The following GPCPD1 variants were observed in gnomAD, a reference collection of about 807,000 sequenced individuals.
GPCPD1 encodes glycerophosphocholine phosphodiesterase 1.
Under a neutral mutation model 89.2 loss-of-function variants are expected in GPCPD1, and 29 were observed. The observed-to-expected ratio is 0.33, with a 90% confidence interval of 0.24 to 0.44. GPCPD1 has a LOEUF of 0.44. GPCPD1 is among the 20% of genes least tolerant of loss of function. The pLI is 1.00. For missense variants in GPCPD1, 594 were observed against 808.9 expected, an observed-to-expected ratio of 0.73 and a Z score of 3.22; for synonymous variants, 258 against 266.3, an observed-to-expected ratio of 0.97 and a Z score of 0.30.
chr20:5,576,896 T>C (rs1401556764), intron 8 of GPCPD1, among the ~76,000 whole-genome samples: 2 of 151,916 alleles, frequency 1.3e-5, no homozygotes, highest in African/African-American at 2.4e-5. Context: ...GTAGGTTTAT[T>C]AAAAGGAAGC....
At chr20:5,592,050 T>C (rs942821067) in intron 4 of GPCPD1, among the ~76,000 whole-genome samples, 7 of 152,250 alleles carry the variant, frequency 4.6e-5, no homozygotes, top group African/African-American at 1.4e-4. Flanking sequence ...AGAGGATAAA[T>C]ACTTAGGTTG....
rs879199443 is a variant in GPCPD1, at chr20:5,567,354, C to T, written c.1227+129G>A. 52 of 1,148,884 alleles carry T rather than the reference C, an allele frequency of 4.5e-5. 1 individual carries two copies. In the South Asian group the frequency reaches 9.4e-4, roughly 21 times the overall value. 71.2% of individuals were successfully genotyped at this position (1,148,884 alleles called of 1,614,324 possible). The stretch of plus-strand genomic sequence containing the variant: ...CCCTTCTCCCAAACAGAACAGAATA[C>T]CAAAGCACATAGTCTACACATTAAA... On this transcript the variant is annotated intron_variant, in intron 13 of 19. Coordinates refer to ENST00000379019, the MANE Select transcript of GPCPD1 (RefSeq NM_019593.5).
At chr20:5,559,577 C>CA (rs1568645988) in intron 17 of GPCPD1, among the ~76,000 whole-genome samples, 1 of 91,200 alleles carries the variant, frequency 1.1e-5, no homozygotes. Context: ...GATCCTGTCT[C>CA]AAAAACAATT....
intron 5 of GPCPD1, chr20:5,584,526 T>C: frequency 2.8e-6 from 1 of 354,022 alleles, no homozygotes; most frequent in South Asian, 4.7e-5. Flanking sequence ...GGTTCTTACA[T>C]ACTTCGTTGA....
intron 7 of GPCPD1, among the ~76,000 whole-genome samples, chr20:5,579,489 A>G (rs762963001): frequency 3.3e-5 from 5 of 152,176 alleles, no homozygotes; most frequent in African/African-American, 9.6e-5. Flanking sequence ...CTGGGATTAC[A>G]GGCGCCCAAC....
intron 2 of GPCPD1, among the ~76,000 whole-genome samples, chr20:5,599,662 C>T (rs1449455453): frequency 6.6e-6 from 1 of 151,934 alleles, no homozygotes; most frequent in Non-Finnish European, 1.5e-5. Context: ...TCAAGCAATT[C>T]TCCTGCCTCA....
At chr20:5,571,191 T>C (rs950841625) in intron 11 of GPCPD1, among the ~76,000 whole-genome samples, 1 of 151,928 alleles carries the variant, frequency 6.6e-6, no homozygotes, top group African/African-American at 2.4e-5. Context: ...AGTTCAAGAG[T>C]CTGGCGAGGA....
At chr20:5,575,242 T>TA (rs1159021546) in intron 10 of GPCPD1, among the ~76,000 whole-genome samples, 171 bp downstream of exon 10, 1 of 152,194 alleles carries the variant, frequency 6.6e-6, no homozygotes, top group African/African-American at 2.4e-5. Context: ...GTAGATATAT[T>TA]AAAAAACTGA....
Position 5,547,740 on chromosome 20 carries a change from C to T in GPCPD1, c.1940G>A (p.Arg647His), listed in dbSNP as rs140687246. 13 of 1,610,370 alleles carry T rather than the reference C, an allele frequency of 8.1e-6. No individual in the cohort carries two copies. The highest frequency in any genetic ancestry group is 4.5e-5 in the East Asian group (2 of 44,860). The change falls in exon 20 of 20, where the codon CGC (arginine) becomes CAC (histidine). Residue 647 changes from arginine (R) to histidine (H), a missense_variant. Transcript: ENST00000379019. ...CCCACACAAAGATGAGGGAACAAAG[C>T]GGCTAACAGTGGGACACAAACAGCT... ...LKSCLCPTVS[R>H]FVPSSLCGES... is the part of the protein sequence containing the mutation.
chr20:5,545,202 A>G lies in GPCPD1; in HGVS notation c.*2459T>C, dbSNP rs1984976145. 6.6e-6 allele frequency: 1 copy of G among 152,234 alleles called. No homozygotes were observed. Among genetic ancestry groups the G allele is most frequent in the Admixed American group, 6.5e-5 (1 of 15,284 alleles). 9.4% of individuals were successfully genotyped at this position (152,234 alleles called of 1,614,324 possible). A position where few individuals can be genotyped will look rare whatever the true frequency, so the allele number is the denominator to read the frequency against. ...TTCAAAGTTTACATTCTTAGTAAACATAACTAAATCTCTTAATTCAAAAGG... is the reference window on the plus strand; with the variant it reads ...TTCAAAGTTTACATTCTTAGTAAACGTAACTAAATCTCTTAATTCAAAAGG... On this transcript the variant is annotated 3_prime_UTR_variant, in exon 20 of 20. Transcript: ENST00000379019.
chr20:5,559,033 T>C (rs951336045), intron 17 of GPCPD1, among the ~76,000 whole-genome samples: 1 of 151,874 alleles, frequency 6.6e-6, no homozygotes, highest in African/African-American at 2.4e-5. Context: ...CGAAATCCCA[T>C]CTCTACTAAA....
chr20:5,598,368 T>C (rs956223756), intron 3 of GPCPD1, among the ~76,000 whole-genome samples: 1 of 152,138 alleles, frequency 6.6e-6, no homozygotes, highest in African/African-American at 2.4e-5. Flanking sequence ...ATCACACCAC[T>C]GTACTCCAGC....
At chr20:5,608,766 T>C (rs1362264552) in intron 1 of GPCPD1, among the ~76,000 whole-genome samples, 1 of 152,214 alleles carries the variant, frequency 6.6e-6, no homozygotes, top group African/African-American at 2.4e-5. Flanking sequence ...ACATACAGAC[T>C]ACACTTCCTG....
At chr20:5,564,629 T>C (rs1444702102) in intron 15 of GPCPD1, among the ~76,000 whole-genome samples, 1 of 152,096 alleles carries the variant, frequency 6.6e-6, no homozygotes, top group African/African-American at 2.4e-5. Context: ...GAGGTTTGAA[T>C]TCCCTTGAGA....
chr20:5,563,129 C>T (rs1236649179), intron 15 of GPCPD1, among the ~76,000 whole-genome samples: 2 of 152,006 alleles, frequency 1.3e-5, no homozygotes, highest in African/African-American at 4.8e-5. Flanking sequence ...ACTACAGGCA[C>T]CCGCCACCAC....
At chr20:5,591,724 G>A (rs1014326065) in intron 4 of GPCPD1, among the ~76,000 whole-genome samples, 16 of 151,964 alleles carry the variant, frequency 1.1e-4, no homozygotes, top group African/African-American at 3.9e-4. Context: ...TTTAAAAAGC[G>A]CCACCAACTT....
chr20:5,570,091 G>A, intron 12 of GPCPD1, 56 bp downstream of exon 12: 1 of 780,816 alleles, frequency 1.3e-6, no homozygotes, highest in South Asian at 1.7e-5. Context: ...AAACTTCCTA[G>A]TTTTTAAACC....
rs922688386 is a variant in GPCPD1 at position 5,546,174 on chromosome 20, G to A, written c.*1487C>T. 2.0e-5 allele frequency: 3 copies of A among 152,106 alleles called. No individual in the cohort carries two copies. The highest frequency in any genetic ancestry group is 7.2e-5 in the African/African-American group (3 of 41,416). 9.4% of individuals were successfully genotyped at this position (152,106 alleles called of 1,614,324 possible). ...TAAACTATTTTGCATTAATATCAAC[G>A]TTACAAACGCAATACCATAGGATTT... is the stretch of plus-strand genomic sequence containing the variant. On this transcript the variant is annotated 3_prime_UTR_variant, in exon 20 of 20. Transcript: ENST00000379019.
rs578083272 is a variant in GPCPD1 at position 5,558,203 on chromosome 20, G to A, written c.1669-98C>T. On this transcript the variant is annotated intron_variant, in intron 18 of 19. Coordinates refer to ENST00000379019, the MANE Select transcript of GPCPD1 (RefSeq NM_019593.5). The stretch of plus-strand genomic sequence containing the variant: ...CAGTGCTCTCCAAAGTACAGCAGGC[G>A]GGAAAAGAAAATGGTAGATTTTTTT... 4.1e-5 allele frequency: 26 copies of A among 630,008 alleles called. No homozygotes were observed. The South Asian group carries it at 5.1e-4, about 12-fold the overall frequency. 39.0% of individuals were successfully genotyped at this position (630,008 alleles called of 1,614,324 possible).
Sources: gnomAD v4.1 joint callset for allele counts (sites outside exome capture counted in the v4.1 genomes callset) on GRCh38, gnomAD v4.1.1 for gene constraint, MANE v1.5 for transcripts, NCBI Gene and HGNC (gene_info 2026-07-23, HGNC 2026-07-21) for gene names.